EPM2A: variants seen among roughly 807,000 people sequenced by gnomAD.
EPM2A encodes laforin.
In EPM2A, 21 loss-of-function variants were observed where a neutral mutation model predicts 26.5. The observed-to-expected ratio is 0.79, with a 90% CI of 0.56 to 1.14. The LOEUF is 1.14. Among genes scored for constraint, EPM2A ranks in the 50% most tolerant of loss-of-function variants. EPM2A has a pLI of 0.00. For missense variants in EPM2A, 458 were observed against 440.8 expected (o/e 1.04, Z -0.35); for synonymous variants, 217 against 177.6 (o/e 1.22, Z -1.76).
chr6:145,716,002 C>G lies in EPM2A; in HGVS notation c.301+19196G>C, dbSNP rs116084156. Among the ~76,000 whole-genome samples, 833 of 152,238 alleles carry G rather than the reference C, an allele frequency of 5.5e-3. 7 individuals carry two copies. The highest frequency in any genetic ancestry group is 0.019 in the African/African-American group (780 of 41,534). On this transcript the variant is annotated intron_variant, in intron 1 of 3. Coordinates refer to ENST00000367519, the MANE Select transcript of EPM2A (RefSeq NM_005670.4). Reference sequence around the variant, plus strand: ...CCCAGTCCATGGAAAAATTATCTACCACAAAACTGGTCTCTGGTGCCAGAA... The same window carrying G: ...CCCAGTCCATGGAAAAATTATCTACGACAAAACTGGTCTCTGGTGCCAGAA...
chr6:145,733,651 T>C (rs1776629517), intron 1 of EPM2A, among the ~76,000 whole-genome samples: 1 of 152,096 alleles, frequency 6.6e-6, no homozygotes, highest in Non-Finnish European at 1.5e-5. Context: ...TACAATACTA[T>C]GAAAAATAGT....
At chr6:145,405,299 G>T (rs149572615) in intron 4 of EPM2A, among the ~76,000 whole-genome samples, 1 of 151,926 alleles carries the variant, frequency 6.6e-6, no homozygotes, top group Non-Finnish European at 1.5e-5. Flanking sequence ...TGAATTCTAC[G>T]GCCTATGTTC....
At chr6:145,436,332 C>T (rs1228356572) in intron 4 of EPM2A, among the ~76,000 whole-genome samples, 1 of 152,144 alleles carries the variant, frequency 6.6e-6, no homozygotes, top group Non-Finnish European at 1.5e-5. Flanking sequence ...GTGAACGTAT[C>T]TTTTCAATTC....
At chr6:145,735,747 G>A (rs1776846243), upstream of EPM2A, 2 of 622,320 alleles carry the variant, frequency 3.2e-6, no homozygotes, top group Non-Finnish European at 4.1e-6. Flanking sequence ...CCCGCGGGCG[G>A]TTGATTTCCA....
At chr6:145,553,357 T>C (rs1780680471) in intron 2 of EPM2A, among the ~76,000 whole-genome samples, 1 of 152,138 alleles carries the variant, frequency 6.6e-6, no homozygotes, top group South Asian at 2.1e-4. Context: ...AAATTCATTC[T>C]GGATATCCTT....
At chr6:145,418,809 G>C (rs1011535578) in intron 4 of EPM2A, among the ~76,000 whole-genome samples, 13 of 152,188 alleles carry the variant, frequency 8.5e-5, no homozygotes, top group Non-Finnish European at 1.9e-4. Context: ...CTTCATTCCT[G>C]AAGGTGAGTG....
chr6:145,603,231 T>C (rs1180521592), intron 2 of EPM2A, among the ~76,000 whole-genome samples: 1 of 152,192 alleles, frequency 6.6e-6, no homozygotes, highest in South Asian at 2.1e-4. Context: ...GAAATTCTTT[T>C]TTCTGCACAA....
chr6:145,725,806 A>G (rs1359816554), intron 1 of EPM2A, among the ~76,000 whole-genome samples: 2 of 152,054 alleles, frequency 1.3e-5, no homozygotes, highest in Admixed American at 1.3e-4. Flanking sequence ...GTTTCTAGGG[A>G]GGTGAAACTA....
At chr6:145,722,360 C>T (rs1289979985) in intron 1 of EPM2A, among the ~76,000 whole-genome samples, 2 of 152,154 alleles carry the variant, frequency 1.3e-5, no homozygotes, top group African/African-American at 2.4e-5. Context: ...TTGGAATAAA[C>T]AGAGTCTCTA....
At chr6:145,603,926 G>T (rs1205454442) in intron 2 of EPM2A, among the ~76,000 whole-genome samples, 1 of 152,054 alleles carries the variant, frequency 6.6e-6, no homozygotes, top group African/African-American at 2.4e-5. Context: ...ATACTTACCA[G>T]TAACATGTAA....
chr6:145,570,231 C>T (rs1035398444), intron 2 of EPM2A, among the ~76,000 whole-genome samples: 16 of 152,042 alleles, frequency 1.1e-4, no homozygotes, highest in African/African-American at 1.7e-4. Context: ...CCAATCAAGT[C>T]GATACTCAGT....
chr6:145,649,326 C>T (rs1484353148), intron 2 of EPM2A, among the ~76,000 whole-genome samples: 1 of 152,128 alleles, frequency 6.6e-6, no homozygotes, highest in Non-Finnish European at 1.5e-5. Context: ...GGGATTAATG[C>T]ATATCTCACA....
intron 1 of EPM2A, among the ~76,000 whole-genome samples, chr6:145,687,445 A>C (rs1263059387): frequency 2.0e-5 from 3 of 152,126 alleles, no homozygotes; most frequent in Non-Finnish European, 4.4e-5. Flanking sequence ...GGTCTTACAT[A>C]CTAGTAAACC....
chr6:145,722,514 A>G (rs913305636), intron 1 of EPM2A, among the ~76,000 whole-genome samples: 7 of 152,210 alleles, frequency 4.6e-5, no homozygotes, highest in Admixed American at 2.6e-4. Flanking sequence ...ATTAAAATTT[A>G]CTTGCCAAAT....
chr6:145,417,601 C>T (rs1778726321), intron 4 of EPM2A, among the ~76,000 whole-genome samples: 1 of 152,148 alleles, frequency 6.6e-6, no homozygotes, highest in South Asian at 2.1e-4. Flanking sequence ...CTAGGTATAA[C>T]TCAAGGCAAT....
chr6:145,521,884 A>G (rs962092070), intron 2 of EPM2A, among the ~76,000 whole-genome samples: 1 of 152,240 alleles, frequency 6.6e-6, no homozygotes, highest in African/African-American at 2.4e-5. Flanking sequence ...CTTAATACCT[A>G]CAAAATGGTA....
intron 4 of EPM2A, among the ~76,000 whole-genome samples, chr6:145,419,354 A>G (rs539708478): frequency 3.3e-5 from 5 of 152,264 alleles, no homozygotes; most frequent in African/African-American, 9.6e-5. Flanking sequence ...ATATCCTTTG[A>G]GTTGATGAGA....
intron 1 of EPM2A, among the ~76,000 whole-genome samples, chr6:145,689,196 T>C (rs568340413): frequency 2.6e-5 from 4 of 152,342 alleles, no homozygotes; most frequent in Admixed American, 6.5e-5. Flanking sequence ...AAGTCTTTCA[T>C]GGATAGTAAA....
intron 2 of EPM2A, among the ~76,000 whole-genome samples, chr6:145,557,940 T>C (rs1364557615): frequency 6.6e-6 from 1 of 152,088 alleles, no homozygotes; most frequent in Non-Finnish European, 1.5e-5. Context: ...CCTTTGTTTT[T>C]CCATAAGTGG....
Sources: gnomAD v4.1 joint callset for allele counts (sites outside exome capture counted in the v4.1 genomes callset) on GRCh38, gnomAD v4.1.1 for gene constraint, MANE v1.5 for transcripts, NCBI Gene and HGNC (gene_info 2026-07-23, HGNC 2026-07-21) for gene names.